PKN3: variants seen among roughly 807,000 people sequenced by gnomAD.
PKN3 encodes the protein protein kinase N3.
A neutral mutation model predicts 113.1 loss-of-function variants in PKN3; 91 were observed. That is an observed-to-expected ratio of 0.80 (90% CI 0.68 to 0.96). The LOEUF (loss-of-function observed/expected upper bound fraction) is 0.96, where lower values mean the gene tolerates loss of function less well. Among genes scored for constraint, PKN3 ranks in the 40% least tolerant of loss-of-function variants. The pLI, the probability that PKN3 is intolerant of heterozygous loss-of-function variation, is 0.00. For synonymous variants in PKN3, 467 were observed against 499.0 expected, an observed-to-expected ratio of 0.94 and a Z score of 0.85; for missense variants, 1,052 against 1,202.2, an observed-to-expected ratio of 0.88 and a Z score of 1.85.
rs752705620 is a variant in PKN3, at chr9:128,713,183, C to T, written c.967C>T (p.Arg323Ter). ...GACCAAGGCCAAGCACCAGCGTGGC[C>T]GAGGCGAGCTTGCCAGTGAGTAGGG... ...LRTKAKHQRGRGELASEVLAV... is the reference protein window; with the variant it reads ...LRTKAKHQRG The change falls in exon 7 of 22, where the codon CGA (arginine) becomes TGA (stop). Residue 323 changes from arginine to a stop codon, truncating the protein, a stop_gained. Transcript: ENST00000291906. LOFTEE classifies it high-confidence loss of function. 3.1e-6 allele frequency: 5 copies of T among 1,606,982 alleles called. No homozygotes were observed. The East Asian group carries it at 6.7e-5, about 22-fold the overall frequency.
Position 128,714,382 on chromosome 9 carries a change from C to A in PKN3, c.1481+17C>A. The A allele has an allele frequency of 1.9e-6, 3 of 1,593,104 alleles. No individual in the cohort carries two copies. The highest frequency in any genetic ancestry group is 4.5e-5 in the East Asian group (2 of 44,674). ...CACTCCCAGGTGAGGAGCTCCCTTGCCCTAGACTGCATGCTCCTCTGTGGC... is the reference window on the plus strand; with the variant it reads ...CACTCCCAGGTGAGGAGCTCCCTTGACCTAGACTGCATGCTCCTCTGTGGC... On this transcript the variant is annotated intron_variant, in intron 11 of 21. Transcript: ENST00000291906.
chr9:128,710,658 AT>A (rs1343051282), intron 6 of PKN3, among the ~76,000 whole-genome samples: 7 of 151,766 alleles, frequency 4.6e-5, no homozygotes, highest in African/African-American at 7.3e-5. Context: ...TGCCTGGCTA[AT>A]TTTTGTATTA....
Position 128,720,663 on chromosome 9 carries a change from G to A in PKN3, c.*57G>A, listed in dbSNP as rs1030572862. ...CCACAGACTGTTAGAGCCTCTGCTCGTTCACCCGTGCGCCCTGCCTGGAGG... is the reference window on the plus strand; with the variant it reads ...CCACAGACTGTTAGAGCCTCTGCTCATTCACCCGTGCGCCCTGCCTGGAGG... On this transcript the variant is annotated 3_prime_UTR_variant, in exon 22 of 22. Transcript: ENST00000291906. The surrounding 1 kb of genome is among the most constrained non-coding windows in gnomAD (Gnocchi z 5.5). 79 of 1,459,590 alleles carry A rather than the reference G, an allele frequency of 5.4e-5. No homozygotes were observed. Among genetic ancestry groups the A allele is most frequent in the Middle Eastern group, 1.7e-4 (1 of 5,784 alleles). 90.4% of individuals were successfully genotyped at this position (1,459,590 alleles called of 1,614,324 possible).
At chr9:128,702,962 G>C (rs1861897963) in intron 1 of PKN3, 23 bp downstream of exon 1, 1 of 1,407,744 alleles carries the variant, frequency 7.1e-7, no homozygotes, top group African/African-American at 1.5e-5. Flanking sequence ...GGAGGGGCGC[G>C]CGGGCCCGGG....
intron 3 of PKN3, among the ~76,000 whole-genome samples, chr9:128,706,501 G>C (rs924271645): frequency 2.0e-5 from 3 of 152,242 alleles, no homozygotes; most frequent in African/African-American, 4.8e-5. Context: ...TGATATGAAA[G>C]AGGAAATTTG....
At chr9:128,710,225 G>C (rs1364747960) in intron 6 of PKN3, among the ~76,000 whole-genome samples, 3 of 151,634 alleles carry the variant, frequency 2.0e-5, no homozygotes, top group Non-Finnish European at 4.4e-5. Context: ...ACCGCGCCCG[G>C]CCAAAAAAGT....
rs1862004279 is a variant in PKN3 at position 128,705,948 on chromosome 9, A to G, written c.411+69A>G. 3 of 1,441,106 alleles carry G rather than the reference A, an allele frequency of 2.1e-6. No individual in the cohort carries two copies. The Admixed American group carries it at 7.2e-5, about 35-fold the overall frequency. 89.3% of individuals were successfully genotyped at this position (1,441,106 alleles called of 1,614,324 possible). ...TCTGACAGGGAAATGCACCTCAGCC[A>G]TTGGGCTCATAAGGAGACACCATTC... On this transcript the variant is annotated intron_variant, in intron 3 of 21. Coordinates refer to ENST00000291906, the MANE Select transcript of PKN3 (RefSeq NM_013355.5).
rs553790045 is a variant in PKN3 at position 128,720,158 on chromosome 9, G to GAAC, written c.2377-45_2377-44insAAC. 2.0e-4 allele frequency: 321 copies of GAAC among 1,589,146 alleles called. No homozygotes were observed. In the African/African-American group the frequency reaches 3.9e-3, roughly 19 times the overall value. On this transcript the variant is annotated intron_variant, in intron 20 of 21. Coordinates refer to ENST00000291906, the MANE Select transcript of PKN3 (RefSeq NM_013355.5). The surrounding 1 kb of genome is among the most constrained non-coding windows in gnomAD (Gnocchi z 5.5). ...CTTGGGGCCTGTGGATGATGGCAGT[G>GAAC]CCTGGGGCTGAATGCCCTAAGTGAG... is the stretch of plus-strand genomic sequence containing the variant.
Position 128,719,720 on chromosome 9 carries a change from T to C in PKN3, c.2160T>C (p.Cys720=), listed in dbSNP as rs1386130967. Residue 720 remains cysteine, a synonymous_variant, in exon 19 of 22, where the codon TGT becomes TGC. Transcript: ENST00000291906. ...TCGGGGACCGGACTAGCACCTTCTG[T>C]GGCACCCCGGAGTTCCTGGCTCCCG... is the stretch of plus-strand genomic sequence containing the variant. ...IGFGDRTSTF[C]GTPEFLAPEV... 2 of 1,585,258 alleles carry C rather than the reference T, an allele frequency of 1.3e-6. No individual in the cohort carries two copies. The highest frequency in any genetic ancestry group is 1.7e-6 in the Non-Finnish European group (2 of 1,165,022).
Position 128,702,926 on chromosome 9 carries a change from G to T in PKN3, c.11G>T (p.Gly4Val), listed in dbSNP as rs1045302696. 6.8e-7 allele frequency: 1 copy of T among 1,464,200 alleles called. No homozygotes were observed. Among genetic ancestry groups the T allele is most frequent in the African/African-American group, 1.5e-5 (1 of 67,158 alleles). 90.7% of individuals were successfully genotyped at this position (1,464,200 alleles called of 1,614,324 possible). The change falls in exon 1 of 22, where the codon GGG becomes GTG. Residue 4 changes from glycine to valine, a missense_variant. Coordinates refer to ENST00000291906, the MANE Select transcript of PKN3 (RefSeq NM_013355.5). MEE[G>V]APRQPGPSQW... is the part of the protein sequence containing the mutation. ...GGCCGGAGCGGCGCCATGGAGGAGG[G>T]GGCGCCGCGGCAGGTGAACGGCGTG...
intron 6 of PKN3, among the ~76,000 whole-genome samples, chr9:128,712,210 G>A (rs1564373629): frequency 2.6e-5 from 4 of 151,968 alleles, no homozygotes; most frequent in Admixed American, 2.6e-4. Context: ...GCGCCCGGCC[G>A]AGCTGTTCTT....
In PKN3 at chr9:128,720,874, C is replaced by T. The variant is rs954103882; in HGVS notation, c.*268C>T. ...CGCAGCAAGGAGTGATATGGTTTGT[C>T]TTTTTAAGACTGGACTTGCTTTATA... On this transcript the variant is annotated 3_prime_UTR_variant, in exon 22 of 22. Coordinates refer to ENST00000291906, the MANE Select transcript of PKN3 (RefSeq NM_013355.5). This position sits in a 1 kb window ranked among gnomAD's most constrained non-coding sequence, Gnocchi z 5.5. 6 of 580,442 alleles carry T rather than the reference C, an allele frequency of 1.0e-5. No homozygotes were observed. Among genetic ancestry groups the T allele is most frequent in the African/African-American group, 9.4e-5 (5 of 53,416 alleles). 36.0% of individuals were successfully genotyped at this position (580,442 alleles called of 1,614,324 possible).
At chr9:128,703,785 G>A in intron 1 of PKN3, 1 of 985,418 alleles carries the variant, frequency 1.0e-6, no homozygotes. Context: ...CTTCAGGGCT[G>A]GGGCTCGGTC....
rs202086471 is a variant in PKN3, at chr9:128,719,413, ACTC to A, written c.2126-270_2126-268del. Among the ~76,000 whole-genome samples, 1,094 of 136,080 alleles carry A rather than the reference ACTC, an allele frequency of 8.0e-3. 16 individuals are homozygous for A. Among genetic ancestry groups the A allele is most frequent in the East Asian group, 0.06 (273 of 4,584 alleles). 89.3% of individuals were successfully genotyped at this position (136,080 alleles called of 152,430 possible). A position where few individuals can be genotyped will look rare whatever the true frequency, so the allele number is the denominator to read the frequency against. Reference sequence around the variant, plus strand: ...ACCATGTTGGCCAGGCTGGTCTCGAACTCCTGACCTCATGATCTGCCCACCTCG... The same window carrying A: ...ACCATGTTGGCCAGGCTGGTCTCGAACTGACCTCATGATCTGCCCACCTCG... On this transcript the variant is annotated intron_variant, in intron 18 of 21. Coordinates refer to ENST00000291906, the MANE Select transcript of PKN3 (RefSeq NM_013355.5).
chr9:128,720,576 C>A lies in PKN3; in HGVS notation c.2640C>A (p.Asp880Glu). The A allele has an allele frequency of 3.1e-6, 5 of 1,613,400 alleles. No homozygotes were observed. The highest frequency in any genetic ancestry group is 1.3e-5 in the African/African-American group (1 of 75,066). Residue 880 changes from aspartate to glutamate, a missense_variant, in exon 22 of 22, where the codon GAC becomes GAA. Transcript: ENST00000291906. This position sits in a 1 kb window ranked among gnomAD's most constrained non-coding sequence, Gnocchi z 5.5. ...AACAGGCCGCCTTCCGGGACTTCGA[C>A]TTTGTGTCAGAGCGATTCCTGGAAC... ...ARQQAAFRDFDFVSERFLEP is the reference protein window; with the variant it reads ...ARQQAAFRDFEFVSERFLEP
chr9:128,717,117 CTTTTTTTTTTTTT>C (rs34182369), intron 16 of PKN3, among the ~76,000 whole-genome samples, 194 bp downstream of exon 16: 2 of 24,364 alleles, frequency 8.2e-5, no homozygotes, highest in Admixed American at 1.6e-3. Flanking sequence ...CATTAGGTTT[CTTTTTTTTTTTTT>C]TTTTTTTTTT....
intron 11 of PKN3, 21 bp downstream of exon 11, chr9:128,714,386 A>G: frequency 6.3e-7 from 1 of 1,590,616 alleles, no homozygotes. Context: ...CCCTTGCCCT[A>G]GACTGCATGC....
chr9:128,717,117 C>CTTTTTTTTTTTTTTTTTTTTTTTTT, intron 16 of PKN3, among the ~76,000 whole-genome samples, 194 bp downstream of exon 16: 316 of 24,372 alleles, frequency 0.013, 136 homozygotes, highest in Non-Finnish European at 0.02. Context: ...CATTAGGTTT[C>CTTTTTTTTTTTTTTTTTTTTTTTTT]TTTTTTTTTT....
chr9:128,705,325 C>G lies in PKN3; in HGVS notation c.47C>G (p.Pro16Arg), dbSNP rs1218548994. 1.3e-6 allele frequency: 2 copies of G among 1,560,880 alleles called. No individual in the cohort carries two copies. Among genetic ancestry groups the G allele is most frequent in the Non-Finnish European group, 1.7e-6 (2 of 1,153,960 alleles). ...PRQPGPSQWP[P>R]EDEKEVIRRA... is the part of the protein sequence containing the mutation. ...CAGCCTGGGCCGAGCCAGTGGCCCC[C>G]AGAGGATGAGAAGGAGGTGATCCGC... Residue 16 changes from proline (P) to arginine (R), a missense_variant, in exon 2 of 22, where the codon CCA becomes CGA. By Grantham distance (103) the Pro-to-Arg change is moderately radical (BLOSUM62 -2). This residue lies in a region of PKN3 where 719 missense variants were observed against 759.4 expected (regional missense o/e 0.95). Transcript: ENST00000291906.
Sources: allele counts gnomAD v4.1 joint callset (sites outside exome capture counted in the v4.1 genomes callset), GRCh38; gene constraint gnomAD v4.1.1; regional missense constraint gnomAD v4.1.1; non-coding constraint Gnocchi (gnomAD v3.1); transcripts MANE v1.5; gene names NCBI Gene and HGNC (gene_info 2026-07-23, HGNC 2026-07-21).